Variants in ADH1A observed in about 807,000 individuals in gnomAD.
ADH1A encodes the protein alcohol dehydrogenase 1A (class I), alpha polypeptide, also known as alcohol dehydrogenase 1A.
A neutral mutation model predicts 35.2 loss-of-function variants in ADH1A; 29 were observed. The ratio of observed to expected loss-of-function variants is 0.82; its 90% CI spans 0.61 to 1.12. The LOEUF is 1.12. Ranked by LOEUF, ADH1A falls within the 50% of genes most tolerant of loss-of-function variation. The pLI, the probability that ADH1A is intolerant of heterozygous loss-of-function variation, is 0.00. For missense variants in ADH1A, 469 were observed against 464.7 expected, an observed-to-expected ratio of 1.01 and a Z score of -0.09; for synonymous variants, 147 against 164.8, an observed-to-expected ratio of 0.89 and a Z score of 0.83.
At chr4:99,280,091 G>C in intron 7 of ADH1A, 53 bp downstream of exon 7, 1 of 1,608,688 alleles carries the variant, frequency 6.2e-7, no homozygotes, top group Non-Finnish European at 8.5e-7. Flanking sequence ...ACTTGTAAAA[G>C]GGGAGATATG....
Position 99,287,630 on chromosome 4 carries a change from T to G in ADH1A, c.54A>C (p.Leu18Phe). The change falls in exon 2 of 9, where the codon TTA becomes TTC. Residue 18 changes from leucine (L) to phenylalanine (F), a missense_variant. By Grantham distance (22) the Leu-to-Phe change is conservative. Coordinates refer to ENST00000209668, the MANE Select transcript of ADH1A (RefSeq NM_000667.4). ...IKCKAAVLWE[L>F]KKPFSIEEVE... ...CCTCCTCAATGGAAAAGGGTTTCTT[T>G]AACTCCCATAGCACAGCTGCTTTGC... The G allele has an allele frequency of 6.2e-7, 1 of 1,614,044 alleles. No homozygotes were observed. The highest frequency in any genetic ancestry group is 8.5e-7 in the Non-Finnish European group (1 of 1,179,916).
chr4:99,280,239 C>T lies in ADH1A; in HGVS notation c.869G>A (p.Ser290Asn). 6.2e-7 allele frequency: 1 copy of T among 1,613,836 alleles called. No individual in the cohort carries two copies. The highest frequency in any genetic ancestry group is 1.1e-5 in the South Asian group (1 of 91,064). Residue 290 changes from serine to asparagine, a missense_variant, in exon 7 of 9, where the codon AGT becomes AAT. Ser to Asn is a conservative substitution (Grantham distance 46). Coordinates refer to ENST00000209668, the MANE Select transcript of ADH1A (RefSeq NM_000667.4). The stretch of plus-strand genomic sequence containing the variant: ...ATCAGGAGGTACCCCTACGATGACA[C>T]TTGTGCCACATGCCTCATGACAACA... ...LLCCHEACGT[S>N]VIVGVPPDSQ...
At chr4:99,282,273 CAT>C in intron 6 of ADH1A, 71 bp downstream of exon 6, 1 of 1,613,234 alleles carries the variant, frequency 6.2e-7, no homozygotes, top group South Asian at 1.1e-5. Context: ...ATACAGAAAA[CAT>C]ATATTCTGCA....
chr4:99,288,802 ATATT>A (rs1733221435), intron 1 of ADH1A: 1 of 152,116 alleles, frequency 6.6e-6, no homozygotes, highest in African/African-American at 2.4e-5. Context: ...TATTTGCATT[ATATT>A]TATTTATAAA....
At chr4:99,285,055 C>A (rs1389043876) in intron 3 of ADH1A, among the ~76,000 whole-genome samples, 2 of 152,168 alleles carry the variant, frequency 1.3e-5, no homozygotes, top group East Asian at 3.8e-4. Context: ...AGAAAAATTG[C>A]TTCCACTGTA....
At position 99,280,292 on chromosome 4, in the gene ADH1A, G is replaced by A. The variant is rs1435001036; in HGVS notation, c.829-13C>T. ...ACAGGGAAGCCATCTGGAATAAAGT[G>A]AACACTTAGCATTCTTAACATGGAG... On this transcript the variant is annotated splice_polypyrimidine_tract_variant and intron_variant, in intron 6 of 8. Coordinates refer to ENST00000209668, the MANE Select transcript of ADH1A (RefSeq NM_000667.4). 1.2e-5 allele frequency: 19 copies of A among 1,612,596 alleles called. No individual in the cohort carries two copies.
chr4:99,284,029 A>G (rs1304487991), intron 5 of ADH1A, among the ~76,000 whole-genome samples: 2 of 152,104 alleles, frequency 1.3e-5, no homozygotes, highest in Non-Finnish European at 2.9e-5. Flanking sequence ...GCTTCATTTC[A>G]TTTACTTTTG....
intron 2 of ADH1A, among the ~76,000 whole-genome samples, chr4:99,287,264 TA>T (rs1176058969): frequency 6.6e-6 from 1 of 152,208 alleles, no homozygotes; most frequent in African/African-American, 2.4e-5. Context: ...TGCATGCCTT[TA>T]AAAAATAGAA....
At chr4:99,282,035 A>G (rs1018557386) in intron 6 of ADH1A, 5 of 393,252 alleles carry the variant, frequency 1.3e-5, no homozygotes, top group African/African-American at 1.0e-4. Flanking sequence ...CAGAACTTGT[A>G]TTATTTATGT....
intron 7 of ADH1A, 150 bp downstream of exon 7, chr4:99,279,994 A>T: frequency 8.8e-7 from 1 of 1,130,036 alleles, no homozygotes; most frequent in Non-Finnish European, 1.3e-6. Flanking sequence ...TGCCTGCATT[A>T]GTTCCATATC....
chr4:99,284,327 T>G (rs1712737824), intron 5 of ADH1A, 72 bp downstream of exon 5: 524 of 1,459,394 alleles, frequency 3.6e-4, no homozygotes, highest in Non-Finnish European at 4.7e-4. Context: ...TCGATTCTTG[T>G]GAGACATTCC....
chr4:99,290,140 C>T lies in ADH1A; in HGVS notation c.18+757G>A, dbSNP rs1040440804. ...TTGTATTACCACATGTATTTTTGTG[C>T]ACCTATAAACACATTGAACAATTAA... On this transcript the variant is annotated intron_variant, in intron 1 of 8. Coordinates refer to ENST00000209668, the MANE Select transcript of ADH1A (RefSeq NM_000667.4). 2.0e-5 allele frequency among the ~76,000 whole-genome samples: 3 copies of T among 152,092 alleles called. No homozygotes were observed. In the East Asian group the frequency reaches 5.8e-4, roughly 29 times the overall value.
rs1158308275 is a variant in ADH1A, at chr4:99,286,925, G to A, written c.184C>T (p.Leu62Phe). 6.2e-7 allele frequency: 1 copy of A among 1,614,176 alleles called. No individual in the cohort carries two copies. Among genetic ancestry groups the A allele is most frequent in the South Asian group, 1.1e-5 (1 of 91,082 alleles). Residue 62 changes from leucine (L) to phenylalanine (F), a missense_variant, in exon 3 of 9, where the codon CTT becomes TTT. Physicochemically the swap from Leu to Phe is conservative, Grantham distance 22 (BLOSUM62 0). Coordinates refer to ENST00000209668, the MANE Select transcript of ADH1A (RefSeq NM_000667.4). ...GCCTCATGGCCTAAAATCACAGGAA[G>A]TGGGGTCACCATGGTACCACTAACC... Reference protein sequence around the residue: ...HVVSGTMVTPLPVILGHEAAG... With the variant: ...HVVSGTMVTPFPVILGHEAAG...
At chr4:99,280,010 G>C in intron 7 of ADH1A, 134 bp downstream of exon 7, 1 of 1,306,484 alleles carries the variant, frequency 7.7e-7, no homozygotes, top group Admixed American at 1.9e-5. Flanking sequence ...ATATCTAGTT[G>C]ATTTGGAGAC....
rs2110606249 is a variant in ADH1A at position 99,282,527 on chromosome 4, C to T, written c.647G>A (p.Gly216Glu). The T allele has an allele frequency of 5.0e-6, 8 of 1,614,196 alleles. No individual in the cohort carries two copies. Among genetic ancestry groups the T allele is most frequent in the African/African-American group, 1.3e-5 (1 of 75,048 alleles). ...GTCCACCGCAATGATTCTGGCTGCC[C>T]CAGCTGCTTTACAGCCCATAATAGC... ...LSAIMGCKAAGAARIIAVDIN... is the reference protein window; with the variant it reads ...LSAIMGCKAAEAARIIAVDIN... The change falls in exon 6 of 9, where the codon GGG becomes GAG. Residue 216 changes from glycine to glutamate, a missense_variant. By Grantham distance (98) the Gly-to-Glu change is moderately conservative. Transcript: ENST00000209668.
In ADH1A at chr4:99,287,001, GAGA is replaced by G; in HGVS notation, c.121-16_121-14del. ...CTACAGCCACCATCTACAGAGTGAA[GAGA>G]AGATGTTTATAAAAGATTGTGAGTC... is the stretch of plus-strand genomic sequence containing the variant. On this transcript the variant is annotated splice_polypyrimidine_tract_variant and intron_variant, in intron 2 of 8. Transcript: ENST00000209668. 6.2e-7 allele frequency: 1 copy of G among 1,605,788 alleles called. No homozygotes were observed. The highest frequency in any genetic ancestry group is 8.5e-7 in the Non-Finnish European group (1 of 1,177,780).
Position 99,276,540 on chromosome 4 carries a change from T to G in ADH1A, c.*84A>C. 1 of 1,197,936 alleles carries G rather than the reference T, an allele frequency of 8.3e-7. No individual in the cohort carries two copies. The highest frequency in any genetic ancestry group is 2.3e-5 in the East Asian group (1 of 42,832). 74.2% of individuals were successfully genotyped at this position (1,197,936 alleles called of 1,614,324 possible). A position where few individuals can be genotyped will look rare whatever the true frequency, so the allele number is the denominator to read the frequency against. On this transcript the variant is annotated 3_prime_UTR_variant, in exon 9 of 9. Coordinates refer to ENST00000209668, the MANE Select transcript of ADH1A (RefSeq NM_000667.4). ...TGATAAAATCTGTGATGAGCAGAAT[T>G]AATGATATTTCCCAGCTGTTGCTCC...
chr4:99,284,618 A>G lies in ADH1A; in HGVS notation c.348T>C (p.Asp116=). ...NPESNYCLKN[D]VSNPQGTLQD... ...GCAGGGTCCCCTGAGGATTGCTTAC[A>G]CTGGACAGTGCAATACAAAGACACA... The change falls in exon 5 of 9, where the codon GAT becomes GAC. Residue 116 remains aspartate, a splice_region_variant and synonymous_variant. Coordinates refer to ENST00000209668, the MANE Select transcript of ADH1A (RefSeq NM_000667.4). The G allele has an allele frequency of 6.2e-7, 1 of 1,614,210 alleles. No individual in the cohort carries two copies. The highest frequency in any genetic ancestry group is 8.5e-7 in the Non-Finnish European group (1 of 1,180,030).
rs954902855 is a variant in ADH1A, at chr4:99,280,130, G to A, written c.964+14C>T. 4 of 1,613,624 alleles carry A rather than the reference G, an allele frequency of 2.5e-6. No homozygotes were observed. In the Admixed American group the frequency reaches 6.7e-5, roughly 27 times the overall value. ...AGGTTAATGAGAATTTGGCTCTGAA[G>A]CCTAACTACATACCACCAAGAATAG... On this transcript the variant is annotated intron_variant, in intron 7 of 8. Coordinates refer to ENST00000209668, the MANE Select transcript of ADH1A (RefSeq NM_000667.4).
Sources: allele counts gnomAD v4.1 joint callset (sites outside exome capture counted in the v4.1 genomes callset), GRCh38; gene constraint gnomAD v4.1.1; transcripts MANE v1.5; gene names NCBI Gene and HGNC (gene_info 2026-07-23, HGNC 2026-07-21).